The following NR1H4 variants were observed in gnomAD, a reference collection of about 807,000 sequenced individuals.
The protein encoded by NR1H4 is bile acid receptor.
A neutral mutation model predicts 58.5 loss-of-function variants in NR1H4; 23 were observed. That is an observed-to-expected ratio of 0.39 (90% CI 0.28 to 0.56). The LOEUF (loss-of-function observed/expected upper bound fraction) is 0.56. Among genes scored for constraint, NR1H4 ranks in the 20% least tolerant of loss-of-function variants. The probability of loss-of-function intolerance (pLI) is 0.58; values close to 1 mark genes in which losing one functional copy is unlikely to be tolerated. For missense variants in NR1H4, 487 were observed against 576.9 expected (o/e 0.84, Z 1.60); for synonymous variants, 214 against 198.0 (o/e 1.08, Z -0.68).
intron 3 of NR1H4, among the ~76,000 whole-genome samples, chr12:100,502,117 A>G (rs754021500): frequency 2.6e-5 from 4 of 152,202 alleles, no homozygotes; most frequent in Non-Finnish European, 5.9e-5. Context: ...TATAAATACT[A>G]TTTTAGTTAA....
chr12:100,561,940 A>G lies in NR1H4; in HGVS notation c.1134A>G (p.Glu378=). 1 of 1,568,518 alleles carries G rather than the reference A, an allele frequency of 6.4e-7. No homozygotes were observed. Among genetic ancestry groups the G allele is most frequent in the Non-Finnish European group, 8.8e-7 (1 of 1,138,830 alleles). Residue 378 remains glutamate (E), a synonymous_variant, in exon 10 of 11, where the codon GAA becomes GAG. Coordinates refer to ENST00000392986, the MANE Select transcript of NR1H4 (RefSeq NM_001206979.2). ...PMFSFYKSIG[E]LKMTQEEYAL... The stretch of plus-strand genomic sequence containing the variant: ...TTAGTTTTTATAAAAGTATTGGGGA[A>G]CTGAAAATGACTCAAGAGGAGTATG...
intron 3 of NR1H4, among the ~76,000 whole-genome samples, chr12:100,496,352 T>C (rs1364286096): frequency 6.6e-6 from 1 of 152,124 alleles, no homozygotes; most frequent in Non-Finnish European, 1.5e-5. Context: ...CTAAGTGGTA[T>C]AGTCAGGAAA....
chr12:100,520,150 C>T (rs1044507721), intron 4 of NR1H4, among the ~76,000 whole-genome samples: 2 of 152,084 alleles, frequency 1.3e-5, no homozygotes, highest in African/African-American at 4.8e-5. Flanking sequence ...AGCCCACTTC[C>T]CCCATGCACA....
intron 1 of NR1H4, among the ~76,000 whole-genome samples, chr12:100,486,149 C>T (rs1471266470): frequency 6.6e-6 from 1 of 152,038 alleles, no homozygotes; most frequent in East Asian, 1.9e-4. Context: ...GTGAGTAGTT[C>T]CAGGTCATGC....
intron 9 of NR1H4, among the ~76,000 whole-genome samples, chr12:100,561,329 C>T (rs1012189797): frequency 1.3e-5 from 2 of 151,944 alleles, no homozygotes; most frequent in Non-Finnish European, 2.9e-5. Flanking sequence ...ACCCGGGAGG[C>T]GGAGCTTGCT....
At chr12:100,477,667 G>A (rs1953299342) in intron 1 of NR1H4, among the ~76,000 whole-genome samples, 1 of 152,206 alleles carries the variant, frequency 6.6e-6, no homozygotes, top group African/African-American at 2.4e-5. Context: ...CAAAAACACT[G>A]CTCTGGGCTG....
chr12:100,561,573 G>T (rs570658219), intron 9 of NR1H4, among the ~76,000 whole-genome samples: 1 of 152,232 alleles, frequency 6.6e-6, no homozygotes, highest in South Asian at 2.1e-4. Context: ...GGAAAATGGA[G>T]ACGTTTTTGA....
At chr12:100,551,128 A>G (rs967820647) in intron 9 of NR1H4, among the ~76,000 whole-genome samples, 1 of 152,180 alleles carries the variant, frequency 6.6e-6, no homozygotes, top group African/African-American at 2.4e-5. Flanking sequence ...CTAGCAGGGA[A>G]TATAAAGTAA....
chr12:100,537,065 A>G lies in NR1H4; in HGVS notation c.931+18A>G, dbSNP rs371220087. 1.4e-5 allele frequency: 20 copies of G among 1,428,414 alleles called. 1 individual carries two copies. In the African/African-American group the frequency reaches 2.8e-4, roughly 20 times the overall value. 88.5% of individuals were successfully genotyped at this position (1,428,414 alleles called of 1,614,324 possible). ...GCTACCAGGTATTTTTTAAATAATC[A>G]AAGTTAATATTTATTGAGAGTTTAA... On this transcript the variant is annotated intron_variant, in intron 8 of 10. Coordinates refer to ENST00000392986, the MANE Select transcript of NR1H4 (RefSeq NM_001206979.2).
At chr12:100,517,133 C>T (rs1954288635) in intron 4 of NR1H4, among the ~76,000 whole-genome samples, 1 of 152,090 alleles carries the variant, frequency 6.6e-6, no homozygotes, top group Non-Finnish European at 1.5e-5. Context: ...AGACATATTC[C>T]TTCTATCTAA....
intron 4 of NR1H4, among the ~76,000 whole-genome samples, chr12:100,512,370 G>A (rs1954142158): frequency 6.6e-6 from 1 of 152,160 alleles, no homozygotes; most frequent in Non-Finnish European, 1.5e-5. Context: ...GGCCGGGCAT[G>A]GTGGCTCACG....
chr12:100,490,067 G>T (rs1302699066), intron 1 of NR1H4, among the ~76,000 whole-genome samples: 1 of 152,154 alleles, frequency 6.6e-6, no homozygotes, highest in African/African-American at 2.4e-5. Flanking sequence ...TGCCAATAGG[G>T]CTTATAACAT....
intron 3 of NR1H4, among the ~76,000 whole-genome samples, chr12:100,493,637 T>C (rs950247633): frequency 1.3e-5 from 2 of 152,210 alleles, no homozygotes; most frequent in African/African-American, 2.4e-5. Flanking sequence ...TGTGAATTGC[T>C]CAAGGCCGCG....
chr12:100,500,069 T>C, intron 3 of NR1H4: 1 of 400,614 alleles, frequency 2.5e-6, no homozygotes, highest in South Asian at 1.9e-5. Context: ...AAAAGGAATA[T>C]TTAGTGATGT....
chr12:100,493,646 C>T (rs925227167), intron 3 of NR1H4, among the ~76,000 whole-genome samples: 4 of 152,132 alleles, frequency 2.6e-5, no homozygotes, highest in Non-Finnish European at 4.4e-5. Flanking sequence ...CTCAAGGCCG[C>T]GAGGCTAGAT....
intron 2 of NR1H4, 28 bp from the exon 3 acceptor site, chr12:100,493,242 A>G: frequency 1.3e-6 from 1 of 752,726 alleles, no homozygotes; most frequent in Admixed American, 2.0e-5. Context: ...GCATTCCCAC[A>G]GTCACAAACT....
intron 9 of NR1H4, among the ~76,000 whole-genome samples, chr12:100,556,471 GAAAA>G (rs1261035538): frequency 7.1e-6 from 1 of 141,080 alleles, no homozygotes; most frequent in Admixed American, 7.1e-5. Context: ...CCGTCTCAAA[GAAAA>G]AAAAAACAAA....
At chr12:100,499,721 A>G (rs1457665758) in intron 3 of NR1H4, 1 of 397,992 alleles carries the variant, frequency 2.5e-6, no homozygotes, top group Non-Finnish European at 4.9e-6. Context: ...ATTGACTATA[A>G]AATCATATTG....
chr12:100,508,860 C>G (rs1954036308), intron 3 of NR1H4, among the ~76,000 whole-genome samples: 1 of 152,208 alleles, frequency 6.6e-6, no homozygotes, highest in Admixed American at 6.5e-5. Context: ...GTGACAGAAC[C>G]TGACCTGAAT....
Sources: allele counts gnomAD v4.1 joint callset (sites outside exome capture counted in the v4.1 genomes callset), GRCh38; gene constraint gnomAD v4.1.1; transcripts MANE v1.5; gene names NCBI Gene and HGNC (gene_info 2026-07-23, HGNC 2026-07-21).